The following CTBP2 variants were observed in gnomAD, a reference collection of about 807,000 sequenced individuals.
CTBP2 encodes the protein C-terminal binding protein 2, also known as C-terminal-binding protein 2.
CTBP2 carries 30 observed loss-of-function variants against 80.3 expected under a neutral mutation model. The observed-to-expected ratio is 0.37, with a 90% CI of 0.28 to 0.51. The LOEUF (loss-of-function observed/expected upper bound fraction) is 0.51, where lower values mean the gene tolerates loss of function less well. CTBP2 is among the 20% of genes least tolerant of loss of function. The probability of loss-of-function intolerance (pLI) is 0.93; values close to 1 mark genes in which losing one functional copy is unlikely to be tolerated. For missense variants in CTBP2, 1,212 were observed against 1,375.3 expected (o/e 0.88, Z 1.88); for synonymous variants, 594 against 587.4 (o/e 1.01, Z -0.16).
chr10:125,117,197 G>A (rs189038278), intron 1 of CTBP2, among the ~76,000 whole-genome samples: 1 of 152,238 alleles, frequency 6.6e-6, no homozygotes, highest in African/African-American at 2.4e-5. Context: ...AGGACGCGCA[G>A]TACAACGCAT....
chr10:125,032,413 C>T (rs1958341413), upstream of CTBP2, among the ~76,000 whole-genome samples: 2 of 152,196 alleles, frequency 1.3e-5, no homozygotes, highest in Admixed American at 1.3e-4. Flanking sequence ...TCCCAGGATG[C>T]CGTCCTTCCT....
chr10:125,027,061 A>T lies in CTBP2; in HGVS notation c.699T>A (p.Val233=). Residue 233 remains valine (V), a synonymous_variant, in exon 1 of 9, where the codon GTT becomes GTA. Transcript: ENST00000309035. The stretch of plus-strand genomic sequence containing the variant: ...GGGCAGCAGCTGAACTGGGGTCCAC[A>T]ACCAGGCACGTCGGGGCCACCTGTC... 3.1e-6 allele frequency: 5 copies of T among 1,612,872 alleles called. No homozygotes were observed. Among genetic ancestry groups the T allele is most frequent in the Non-Finnish European group, 4.2e-6 (5 of 1,179,268 alleles).
intron 1 of CTBP2, among the ~76,000 whole-genome samples, chr10:125,147,710 C>A (rs942764204): frequency 1.3e-5 from 2 of 152,082 alleles, no homozygotes; most frequent in Non-Finnish European, 2.9e-5. Flanking sequence ...GCAGTCCGGG[C>A]AACATGGCAA....
intron 2 of CTBP2, among the ~76,000 whole-genome samples, chr10:125,060,744 A>T (rs1051694346): frequency 1.8e-4 from 28 of 152,248 alleles, no homozygotes; most frequent in Admixed American, 5.2e-4. Context: ...AGATGGATAA[A>T]GAAGTTTCTC....
chr10:125,160,186 CT>C, intron 1 of CTBP2, 132 bp downstream of exon 1: 1 of 150,794 alleles, frequency 6.6e-6, no homozygotes, highest in East Asian at 2.0e-4. Context: ...GCTCCGCGTC[CT>C]TCGCCCTCTT....
In CTBP2 at chr10:124,995,400, T is replaced by C. The variant is rs149939561; in HGVS notation, c.2186-717A>G. 6.7e-3 allele frequency among the ~76,000 whole-genome samples: 1,014 copies of C among 152,312 alleles called. 8 individuals carry two copies. Among genetic ancestry groups the C allele is most frequent in the Non-Finnish European group, 8.4e-3 (573 of 68,012 alleles). On this transcript the variant is annotated intron_variant, in intron 4 of 8. Coordinates refer to ENST00000309035, the MANE Select transcript of CTBP2 (RefSeq NM_022802.3). ...CATAAACCCATGGGGTCCCCCTCGA[T>C]AGCACCTCCAGCTTCCCAGAGCAGT...
In CTBP2 at chr10:125,134,189, C is replaced by G. The variant is rs545641434; in HGVS notation, c.-205-23096G>C. Among the ~76,000 whole-genome samples the G allele has an allele frequency of 6.6e-5, 10 of 152,342 alleles. No individual in the cohort carries two copies. The South Asian group carries it at 2.1e-3, about 32-fold the overall frequency. Reference sequence around the variant, plus strand: ...CCAGATTTAACAAGCCCATCACCAACAGCCAACATGACCAACATCAAGTAA... The same window carrying G: ...CCAGATTTAACAAGCCCATCACCAAGAGCCAACATGACCAACATCAAGTAA... On this transcript the variant is annotated intron_variant, in intron 1 of 10. Coordinates refer to the CTBP2 transcript ENST00000337195.
intron 2 of CTBP2, among the ~76,000 whole-genome samples, chr10:125,069,631 A>G (rs1056580244): frequency 6.6e-6 from 1 of 152,150 alleles, no homozygotes; most frequent in Non-Finnish European, 1.5e-5. Flanking sequence ...AACAAACAAG[A>G]AAACAAAATT....
chr10:125,002,897 C>T, intron 3 of CTBP2, 63 bp downstream of exon 5: 1 of 1,587,310 alleles, frequency 6.3e-7, no homozygotes, highest in East Asian at 2.2e-5. Context: ...TCTCCAAGCC[C>T]ACCCGAGCAG....
chr10:125,137,952 C>A (rs1056465231), intron 1 of CTBP2: 1 of 152,222 alleles, frequency 6.6e-6, no homozygotes, highest in Non-Finnish European at 1.5e-5. Context: ...CAGGGGACCG[C>A]GGGAGGGGCA....
intron 2 of CTBP2, among the ~76,000 whole-genome samples, chr10:125,050,057 AGGCATCACTCATCATGCAAAGGCT>A (rs1459820218): frequency 8.4e-6 from 1 of 119,414 alleles, no homozygotes; most frequent in East Asian, 2.2e-4. Context: ...ATTTCAACTA[AGGCATCACTCATCATGCAAAGGCT>A]GGCATCCAGG....
At chr10:125,072,685 G>C (rs1031499755) in intron 2 of CTBP2, among the ~76,000 whole-genome samples, 3 of 118,044 alleles carry the variant, frequency 2.5e-5, no homozygotes, top group South Asian at 3.0e-4. Context: ...CCAAAACAAA[G>C]AAACAGATGC....
intron 2 of CTBP2, among the ~76,000 whole-genome samples, chr10:125,059,233 A>T (rs987261707): frequency 2.0e-5 from 3 of 152,114 alleles, no homozygotes; most frequent in African/African-American, 7.2e-5. Context: ...TAGAGGAGAA[A>T]ATCAGCGATA....
chr10:125,152,452 C>A (rs537086100), intron 1 of CTBP2, among the ~76,000 whole-genome samples: 5 of 152,314 alleles, frequency 3.3e-5, no homozygotes, highest in Non-Finnish European at 5.9e-5. Context: ...GCGCCCCAGG[C>A]CCCCCACACC....
Position 125,026,966 on chromosome 10 carries a change from G to A in CTBP2, c.794C>T (p.Pro265Leu). 1 of 1,614,082 alleles carries A rather than the reference G, an allele frequency of 6.2e-7. No homozygotes were observed. The highest frequency in any genetic ancestry group is 1.3e-5 in the African/African-American group (1 of 75,064). The change falls in exon 1 of 9, where the codon CCA (proline) becomes CTA (leucine). Residue 265 changes from proline to leucine, a missense_variant. Physicochemically the swap from Pro to Leu is moderately conservative, Grantham distance 98. Transcript: ENST00000309035. ...GTAAGTCTCGTAAGCCATCTTGGAT[G>A]GGATGCTTTCCCGGGCAGGCCCGTA...
chr10:125,045,987 C>T (rs1961134734), intron 2 of CTBP2, among the ~76,000 whole-genome samples: 1 of 152,076 alleles, frequency 6.6e-6, no homozygotes, highest in Non-Finnish European at 1.5e-5. Context: ...GCAGGAAACC[C>T]AGCTGTAGCC....
intron 1 of CTBP2, among the ~76,000 whole-genome samples, chr10:125,137,281 C>G (rs1468045939): frequency 6.6e-6 from 1 of 152,178 alleles, no homozygotes; most frequent in African/African-American, 2.4e-5. Flanking sequence ...CTGGGGGCAG[C>G]GGCTGTGGCC....
rs1034168031 is a variant in CTBP2, at chr10:124,997,988, C to T, written c.2161G>A (p.Glu721Lys). The change falls in exon 4 of 9, where the codon GAG becomes AAG. Residue 721 changes from glutamate (E) to lysine (K), a missense_variant. Coordinates refer to ENST00000309035, the MANE Select transcript of CTBP2 (RefSeq NM_022802.3). ...CCAAAGCCAATGAGGCCCAGCGTCT[C>T]CCCACGGATGCGGGCCGCTCCCGAG... 2.5e-6 allele frequency: 4 copies of T among 1,612,718 alleles called. No homozygotes were observed. Among genetic ancestry groups the T allele is most frequent in the Non-Finnish European group, 3.4e-6 (4 of 1,179,876 alleles).
chr10:125,106,212 C>A (rs1023444741), intron 2 of CTBP2, among the ~76,000 whole-genome samples: 5 of 151,012 alleles, frequency 3.3e-5, no homozygotes, highest in African/African-American at 1.2e-4. Context: ...CCATGTGCGG[C>A]CCCACTTCAC....
Sources: gnomAD v4.1 joint callset for allele counts (sites outside exome capture counted in the v4.1 genomes callset) on GRCh38, gnomAD v4.1.1 for gene constraint, MANE v1.5 for transcripts, NCBI Gene and HGNC (gene_info 2026-07-23, HGNC 2026-07-21) for gene names.